MED23: variants seen among roughly 807,000 people sequenced by gnomAD.
MED23 encodes mediator of RNA polymerase II transcription subunit 23.
MED23 carries 105 observed loss-of-function variants against 163.9 expected under a neutral mutation model. The ratio of observed to expected loss-of-function variants is 0.64; its 90% CI spans 0.55 to 0.75. The LOEUF (loss-of-function observed/expected upper bound fraction) is 0.75, where lower values mean the gene tolerates loss of function less well. Ranked by LOEUF, MED23 falls within the 30% of genes least tolerant of loss-of-function variation. The probability of loss-of-function intolerance (pLI) is 0.00; values close to 1 mark genes in which losing one functional copy is unlikely to be tolerated. For synonymous variants in MED23, 561 were observed against 565.6 expected (o/e 0.99, Z 0.12); for missense variants, 1,054 against 1,649.0 (o/e 0.64, Z 6.25).
rs1554250402 is a variant in MED23 at position 131,578,780 on chromosome 6, C to CAG, written c.4096-4487_4096-4486dup. ...TAAAAAGCACATAAGCAGAGAGAGA[C>CAG]AGAGAGACAGAGACAGAGACAGTGG... On this transcript the variant is annotated intron_variant, in intron 30 of 30. Coordinates refer to the MED23 transcript ENST00000354577. Among the ~76,000 whole-genome samples the CAG allele has an allele frequency of 2.0e-5, 3 of 151,460 alleles. No homozygotes were observed. In the South Asian group the frequency reaches 6.2e-4, roughly 31 times the overall value.
chr6:131,613,227 G>A (rs1776406738), intron 10 of MED23, among the ~76,000 whole-genome samples: 1 of 152,082 alleles, frequency 6.6e-6, no homozygotes, highest in Non-Finnish European at 1.5e-5. Flanking sequence ...TATCTGTTTT[G>A]TAGTGCTTTT....
At chr6:131,592,226 T>C (rs540407383) in intron 25 of MED23, among the ~76,000 whole-genome samples, 162 bp downstream of exon 25, 2 of 152,364 alleles carry the variant, frequency 1.3e-5, no homozygotes, top group East Asian at 3.9e-4. Context: ...TGTAGATTTT[T>C]AAAGCAGTAA....
At chr6:131,589,672 T>C in intron 27 of MED23, 76 bp from the exon 28 acceptor site, 5 of 1,376,198 alleles carry the variant, frequency 3.6e-6, no homozygotes, top group Non-Finnish European at 5.2e-6. Flanking sequence ...CTGGGCTCCA[T>C]TACAACACTA....
chr6:131,615,261 C>A, intron 10 of MED23: 1 of 1,574,094 alleles, frequency 6.4e-7, no homozygotes, highest in South Asian at 1.1e-5. Context: ...TAAATGGAAT[C>A]AGTGGCTACA....
In MED23 at chr6:131,627,083, A is replaced by C. The variant is rs183880000; in HGVS notation, c.159+313T>G. ...GTATCCTTGACAAGTAAAGCTTAAC[A>C]TATCTGTTTTCAAGTGTACCAAATA... On this transcript the variant is annotated intron_variant, in intron 3 of 28. Transcript: ENST00000368068. The C allele has an allele frequency of 1.1e-5, 3 of 272,986 alleles. No individual in the cohort carries two copies. The East Asian group carries it at 2.3e-4, about 21-fold the overall frequency. 16.9% of individuals were successfully genotyped at this position (272,986 alleles called of 1,614,324 possible). A position where few individuals can be genotyped will look rare whatever the true frequency, so the allele number is the denominator to read the frequency against.
intron 27 of MED23, 81 bp downstream of exon 27, chr6:131,590,241 G>A (rs1055414415): frequency 5.1e-6 from 7 of 1,371,648 alleles, no homozygotes; most frequent in Admixed American, 1.7e-5. Flanking sequence ...GTGACCTGCA[G>A]TTTCAATAAC....
chr6:131,596,364 C>T (rs1040049402), intron 21 of MED23, 154 bp downstream of exon 21: 1 of 955,120 alleles, frequency 1.0e-6, no homozygotes, highest in Non-Finnish European at 1.6e-6. Context: ...ATTATAGAAA[C>T]TCTCAAACCT....
chr6:131,620,818 T>C, intron 6 of MED23, 89 bp from the exon 7 acceptor site: 1 of 737,072 alleles, frequency 1.4e-6, no homozygotes, highest in Non-Finnish European at 2.2e-6. Flanking sequence ...TTTTTTTTTT[T>C]TGAGACAGGG....
intron 14 of MED23, among the ~76,000 whole-genome samples, chr6:131,604,578 A>G (rs975810572): frequency 1.3e-5 from 2 of 152,198 alleles, no homozygotes; most frequent in African/African-American, 4.8e-5. Context: ...GATTCAACTC[A>G]TAAGAGCATG....
At chr6:131,613,848 T>A (rs1776453086) in intron 10 of MED23, among the ~76,000 whole-genome samples, 2 of 147,000 alleles carry the variant, frequency 1.4e-5, no homozygotes, top group Non-Finnish European at 3.0e-5. Flanking sequence ...TCTCAATTGT[T>A]TTGTCAATTT....
At chr6:131,608,464 A>G (rs1434424306) in intron 11 of MED23, among the ~76,000 whole-genome samples, 1 of 151,772 alleles carries the variant, frequency 6.6e-6, no homozygotes, top group Non-Finnish European at 1.5e-5. Context: ...ATACTCTATC[A>G]CACCAAAAGG....
At chr6:131,582,810 T>C, downstream of MED23, 2 of 1,032,148 alleles carry the variant, frequency 1.9e-6, no homozygotes, top group Non-Finnish European at 3.1e-6. Flanking sequence ...AAATTAAACA[T>C]CAAGACACAC....
At chr6:131,599,504 T>G (rs1038046247) in intron 18 of MED23, among the ~76,000 whole-genome samples, 11 of 152,154 alleles carry the variant, frequency 7.2e-5, no homozygotes, top group Non-Finnish European at 1.5e-4. Flanking sequence ...TTCTCCCCAT[T>G]TCAGTTCTAT....
exon 31 of MED23, chr6:131,573,966 T>C (rs1773492584): frequency 2.6e-6 from 1 of 387,224 alleles, no homozygotes; most frequent in South Asian, 3.5e-5. Context: ...CTACTGCGGG[T>C]TGGCAACTCT....
Position 131,586,926 on chromosome 6 carries a change from G to A in MED23, c.*753C>T, listed in dbSNP as rs1419903669. 2 of 1,465,438 alleles carry A rather than the reference G, an allele frequency of 1.4e-6. No homozygotes were observed. Among genetic ancestry groups the A allele is most frequent in the Admixed American group, 2.0e-5 (1 of 48,976 alleles). The allele number at this position is 1,465,438 out of a possible 1,614,324, so 90.8% of individuals were successfully genotyped here. A position where few individuals can be genotyped will look rare whatever the true frequency, so the allele number is the denominator to read the frequency against. ...TGAAGAATTACATCATCTGTCAGGT[G>A]AGAGTGTCAACCTGCAAAAGCAATT... On this transcript the variant is annotated 3_prime_UTR_variant, in exon 29 of 29. Coordinates refer to ENST00000368068, the MANE Select transcript of MED23 (RefSeq NM_004830.4).
downstream of MED23, chr6:131,582,649 T>C (rs1437673274): frequency 6.2e-7 from 1 of 1,613,916 alleles, no homozygotes; most frequent in South Asian, 1.1e-5. Flanking sequence ...TTCTCCTGGG[T>C]GACTCCCTGT....
rs368961576 is a variant in MED23 at position 131,627,686 on chromosome 6, A to C, written c.40-14T>G. The C allele has an allele frequency of 4.1e-5, 65 of 1,602,626 alleles. No individual in the cohort carries two copies. Among genetic ancestry groups the C allele is most frequent in the East Asian group, 1.8e-4 (8 of 44,838 alleles). On this transcript the variant is annotated splice_polypyrimidine_tract_variant and intron_variant, in intron 1 of 28. Transcript: ENST00000368068. The stretch of plus-strand genomic sequence containing the variant: ...AACTTCCGTTTTCTGTAAAAAAAAA[A>C]AAAACAAAATGTAAACAATGTTAAT...
At chr6:131,627,756 G>T in intron 1 of MED23, 84 bp from the exon 2 acceptor site, 1 of 1,307,046 alleles carries the variant, frequency 7.7e-7, no homozygotes, top group African/African-American at 1.5e-5. Context: ...ATGTAACACA[G>T]GGCAAGTCAC....
Position 131,586,808 on chromosome 6 carries a change from C to G in MED23, c.*871G>C. ...TTCAAGTCTTTCGCAATGCCAATTC[C>G]CCCAAAATTAACAATGTCTCTCAAA... On this transcript the variant is annotated 3_prime_UTR_variant, in exon 29 of 29. Coordinates refer to ENST00000368068, the MANE Select transcript of MED23 (RefSeq NM_004830.4). The G allele has an allele frequency of 6.6e-7, 1 of 1,513,840 alleles. No homozygotes were observed. Among genetic ancestry groups the G allele is most frequent in the Non-Finnish European group, 8.9e-7 (1 of 1,124,588 alleles). 93.8% of individuals were successfully genotyped at this position (1,513,840 alleles called of 1,614,324 possible).
Sources: allele counts gnomAD v4.1 joint callset (sites outside exome capture counted in the v4.1 genomes callset), GRCh38; gene constraint gnomAD v4.1.1; transcripts MANE v1.5; gene names NCBI Gene and HGNC (gene_info 2026-07-23, HGNC 2026-07-21).